PRDM2: variants seen among roughly 807,000 people sequenced by gnomAD.
PRDM2 encodes the protein PR domain zinc finger protein 2.
Under a neutral mutation model 130.0 loss-of-function variants are expected in PRDM2, and 30 were observed. The observed-to-expected ratio is 0.23, with a 90% confidence interval of 0.17 to 0.31. PRDM2 has a LOEUF of 0.31. PRDM2 is among the 10% of genes least tolerant of loss of function. The pLI is 1.00. For missense variants in PRDM2, 2,011 were observed against 2,108.4 expected (o/e 0.95, Z 0.90); for synonymous variants, 871 against 782.4 (o/e 1.11, Z -1.89).
intron 9 of PRDM2, among the ~76,000 whole-genome samples, chr1:13,819,340 T>C (rs1450058028): frequency 6.6e-6 from 1 of 152,234 alleles, no homozygotes; most frequent in Non-Finnish European, 1.5e-5. Flanking sequence ...TTCTTTTTCC[T>C]TCTTTAAAAA....
At chr1:13,708,193 T>C (rs1018375476) in intron 1 of PRDM2, among the ~76,000 whole-genome samples, 1 of 152,054 alleles carries the variant, frequency 6.6e-6, no homozygotes, top group African/African-American at 2.4e-5. Flanking sequence ...TTTTTTTTTT[T>C]CTTCCCAAGT....
chr1:13,715,905 G>C (rs576286646), intron 2 of PRDM2, among the ~76,000 whole-genome samples: 1 of 152,262 alleles, frequency 6.6e-6, no homozygotes, highest in Admixed American at 6.5e-5. Context: ...TCTAGTGTGA[G>C]TTTTTTGTGT....
chr1:13,757,469 T>C (rs1643984811), intron 6 of PRDM2, among the ~76,000 whole-genome samples: 2 of 152,202 alleles, frequency 1.3e-5, no homozygotes, highest in African/African-American at 4.8e-5. Context: ...TTTTGTCTTA[T>C]TGATGAGAAG....
At position 13,803,500 on chromosome 1, in the gene PRDM2, A is replaced by T. The variant is rs1645040195; in HGVS notation, c.5037-12927A>T. Among the ~76,000 whole-genome samples the T allele has an allele frequency of 6.6e-6, 1 of 152,114 alleles. No homozygotes were observed. The highest frequency in any genetic ancestry group is 1.5e-5 in the Non-Finnish European group (1 of 68,020). On this transcript the variant is annotated intron_variant, in intron 8 of 9. Coordinates refer to ENST00000311066, the MANE Select transcript of PRDM2 (RefSeq NM_001393986.1). This position sits in a 1 kb window ranked among gnomAD's most constrained non-coding sequence, Gnocchi z 6.2. ...GGCTTCAACTACCCTTCTTCCCATC[A>T]TCAATGTCCCCAAATAAGCAGTGAG...
chr1:13,815,234 G>A (rs1645238379), intron 8 of PRDM2, among the ~76,000 whole-genome samples: 1 of 151,894 alleles, frequency 6.6e-6, no homozygotes, highest in Non-Finnish European at 1.5e-5. Context: ...AGCCTCCTGA[G>A]TAGCTGTGAT....
chr1:13,738,798 G>A (rs1256434655), intron 4 of PRDM2: 2 of 152,120 alleles, frequency 1.3e-5, no homozygotes, highest in African/African-American at 4.8e-5. Flanking sequence ...GAGGAGTGAA[G>A]TAGTTGATAC....
chr1:13,802,207 G>A (rs563602154), intron 8 of PRDM2, among the ~76,000 whole-genome samples: 7 of 152,280 alleles, frequency 4.6e-5, no homozygotes, highest in South Asian at 4.2e-4. Flanking sequence ...CGTCATCCCC[G>A]TGTTGAACAA....
intron 8 of PRDM2, chr1:13,787,039 C>T (rs896621898): frequency 1.0e-6 from 1 of 985,546 alleles, no homozygotes; most frequent in Non-Finnish European, 1.2e-6. Context: ...TGATCTCTTA[C>T]CCCTGGTATT....
Position 13,773,106 on chromosome 1 carries a change from C to CA in PRDM2, c.543dup (p.Gly182ArgfsTer13), listed in dbSNP as rs1464594423. On this transcript the variant is annotated frameshift_variant, in exon 7 of 10. Transcript: ENST00000311066. LOFTEE classifies it high-confidence loss of function. ...AGAAAAAATCCCAGGAAAATAAAAA[C>CA]AAAGGAAACAAAATCCAAGACATAC... 1 of 1,548,118 alleles carries CA rather than the reference C, an allele frequency of 6.5e-7. No individual in the cohort carries two copies. The highest frequency in any genetic ancestry group is 1.4e-5 in the African/African-American group (1 of 71,570).
intron 5 of PRDM2, among the ~76,000 whole-genome samples, chr1:13,743,807 G>A (rs114034230): frequency 0.018 from 2,808 of 152,310 alleles, 64 homozygotes; most frequent in South Asian, 0.12. Flanking sequence ...CTTGTATCCA[G>A]TCCCTGCAGA....
intron 8 of PRDM2, among the ~76,000 whole-genome samples, chr1:13,797,051 A>T (rs964333311): frequency 2.0e-5 from 3 of 152,192 alleles, no homozygotes; most frequent in Admixed American, 1.3e-4. Context: ...TATGTCCTTT[A>T]ATTTATGTTT....
chr1:13,732,923 G>A, intron 4 of PRDM2, 41 bp downstream of exon 4: 3 of 1,301,074 alleles, frequency 2.3e-6, no homozygotes, highest in Non-Finnish European at 3.2e-6. Flanking sequence ...AGAGTTTTAT[G>A]AAATAATTAT....
Position 13,816,436 on chromosome 1 carries a change from C to T in PRDM2, c.5046C>T (p.Leu1682=). The T allele has an allele frequency of 6.2e-7, 1 of 1,614,162 alleles. No individual in the cohort carries two copies. Among genetic ancestry groups the T allele is most frequent in the South Asian group, 1.1e-5 (1 of 91,086 alleles). The part of the protein sequence containing the change: ...KQELKDFSYS[L]RLASRCSPPA... ...TCCTCTTCCTGCACAGCTACAGCCT[C>T]CGCTTGGCGTCCCGATGCTCTCCAC... is the stretch of plus-strand genomic sequence containing the variant. Residue 1682 remains leucine (L), a synonymous_variant, in exon 9 of 10, where the codon CTC becomes CTT. Coordinates refer to ENST00000311066, the MANE Select transcript of PRDM2 (RefSeq NM_001393986.1).
At chr1:13,706,538 A>G (rs1485129649) in intron 1 of PRDM2, among the ~76,000 whole-genome samples, 7 of 152,194 alleles carry the variant, frequency 4.6e-5, no homozygotes, top group Admixed American at 4.6e-4. Flanking sequence ...CTCACACGGT[A>G]TCTGAGAACT....
At chr1:13,740,190 G>A (rs1393956058) in intron 4 of PRDM2, among the ~76,000 whole-genome samples, 1 of 152,200 alleles carries the variant, frequency 6.6e-6, no homozygotes. Context: ...CTGAGAGCCA[G>A]GAAGTTGTGG....
rs1356914937 is a variant in PRDM2, at chr1:13,781,183, T to G, written c.3388T>G (p.Phe1130Val). Residue 1130 changes from phenylalanine (F) to valine (V), a missense_variant, in exon 8 of 10, where the codon TTC (phenylalanine) becomes GTC (valine). Physicochemically the swap from Phe to Val is conservative, Grantham distance 50. Around this residue, in one of 5 missense-constraint regions of PRDM2, gnomAD observed 229 missense variants for 364.1 expected, o/e 0.63. Transcript: ENST00000311066. This position sits in a 1 kb window ranked among gnomAD's most constrained non-coding sequence, Gnocchi z 6.1. ...AEQDVVVQET[F>V]NKNFVCNVCE... ...ACAGGATGTTGTTGTTCAGGAAACA[T>G]TCAACAAAAACTTTGTTTGCAACGT... is the stretch of plus-strand genomic sequence containing the variant. 5 of 1,614,226 alleles carry G rather than the reference T, an allele frequency of 3.1e-6. No homozygotes were observed. The highest frequency in any genetic ancestry group is 4.2e-6 in the Non-Finnish European group (5 of 1,180,044).
chr1:13,730,164 G>A (rs1245944027), intron 2 of PRDM2, among the ~76,000 whole-genome samples: 2 of 152,136 alleles, frequency 1.3e-5, no homozygotes, highest in African/African-American at 4.8e-5. Context: ...CATCAGCTCC[G>A]TAGGATATAT....
chr1:13,732,772 T>C lies in PRDM2; in HGVS notation c.128-7T>C. On this transcript the variant is annotated splice_region_variant and splice_polypyrimidine_tract_variant and intron_variant, in intron 3 of 9. Transcript: ENST00000311066. The stretch of plus-strand genomic sequence containing the variant: ...TACATTATAAAAATACTGATTTTAT[T>C]TTCTAGGTGTCTGGGCCACTAAACC... 1 of 1,553,618 alleles carries C rather than the reference T, an allele frequency of 6.4e-7. No homozygotes were observed. The highest frequency in any genetic ancestry group is 8.8e-7 in the Non-Finnish European group (1 of 1,141,796).
chr1:13,768,014 A>G (rs929786812), intron 6 of PRDM2, among the ~76,000 whole-genome samples: 6 of 151,666 alleles, frequency 4.0e-5, no homozygotes, highest in Non-Finnish European at 8.8e-5. Flanking sequence ...ATATTAAGTC[A>G]TTATTGATAT....
Sources: gnomAD v4.1 joint callset for allele counts (sites outside exome capture counted in the v4.1 genomes callset) on GRCh38, gnomAD v4.1.1 for gene constraint, gnomAD v4.1.1 regional missense constraint, Gnocchi (gnomAD v3.1) non-coding constraint, MANE v1.5 for transcripts, NCBI Gene and HGNC (gene_info 2026-07-23, HGNC 2026-07-21) for gene names.